The following OR14L1 variants were observed in gnomAD, a reference collection of about 807,000 sequenced individuals.
OR14L1 encodes the protein olfactory receptor family 14 subfamily L member 1.
the OR14L1 span, chr1:247,619,580 C>T: frequency 2.0e-5 from 3 of 152,052 alleles, no homozygotes; most frequent in Non-Finnish European, 2.9e-5. Context: ...TGGGGGTAGC[C>T]ATATTTGATA....
chr1:247,621,777 A>C, the OR14L1 span: 1 of 152,056 alleles, frequency 6.6e-6, no homozygotes, highest in Admixed American at 6.6e-5. Flanking sequence ...CAGATTCCAC[A>C]TATAAGTGAG....
the OR14L1 span, chr1:247,621,271 G>C: frequency 2.0e-5 from 3 of 152,090 alleles, no homozygotes; most frequent in Non-Finnish European, 4.4e-5. Context: ...ATTATTCCCA[G>C]AGTGCTTTTA....
the OR14L1 span, among the ~76,000 whole-genome samples, chr1:247,618,775 T>A: frequency 0.024 from 3,634 of 152,268 alleles, 161 homozygotes; most frequent in African/African-American, 0.083. Flanking sequence ...TTTTCCTATG[T>A]GGCTTTCTTC....
At chr1:247,618,972 C>T in the OR14L1 span, among the ~76,000 whole-genome samples, 1 of 152,162 alleles carries the variant, frequency 6.6e-6, no homozygotes. Flanking sequence ...TATTTTACCT[C>T]CCTACGTTCT....
the OR14L1 span, chr1:247,620,210 A>T: frequency 1.3e-5 from 2 of 152,160 alleles, no homozygotes; most frequent in African/African-American, 4.8e-5. Context: ...TTAGACCCCA[A>T]AGTAATTACC....
the OR14L1 span, chr1:247,622,348 C>G: frequency 6.6e-6 from 1 of 152,056 alleles, no homozygotes. Context: ...AGATGATAAA[C>G]TTAATAAGTG....
the OR14L1 span, chr1:247,619,567 C>T: frequency 6.6e-6 from 1 of 152,150 alleles, no homozygotes; most frequent in African/African-American, 2.4e-5. Flanking sequence ...ATTGAAATAT[C>T]ACTGGGGGTA....
chr1:247,620,841 A>G, the OR14L1 span: 5 of 151,624 alleles, frequency 3.3e-5, no homozygotes, highest in South Asian at 1.0e-3. Flanking sequence ...AAAATTTTAT[A>G]AATTATATTG....
chr1:247,617,886 T>G, the OR14L1 span, among the ~76,000 whole-genome samples: 1 of 152,220 alleles, frequency 6.6e-6, no homozygotes, highest in Non-Finnish European at 1.5e-5. Context: ...TTCCAATGCC[T>G]GTCAATGCAT....
At chr1:247,622,145 C>T in the OR14L1 span, 2 of 152,148 alleles carry the variant, frequency 1.3e-5, no homozygotes, top group Admixed American at 1.3e-4. Context: ...GGTAACTTTG[C>T]ATTGGGCAAG....
chr1:247,619,208 T>C, the OR14L1 span, among the ~76,000 whole-genome samples: 1 of 152,172 alleles, frequency 6.6e-6, no homozygotes, highest in African/African-American at 2.4e-5. Flanking sequence ...AAAAGAACTA[T>C]GACAAACCAC....
the OR14L1 span, chr1:247,620,437 C>G: frequency 6.6e-6 from 1 of 152,056 alleles, no homozygotes; most frequent in Non-Finnish European, 1.5e-5. Context: ...TTCAAATTCT[C>G]CCCCCGTTCT....
At chr1:247,621,367 A>G in the OR14L1 span, 1 of 152,190 alleles carries the variant, frequency 6.6e-6, no homozygotes, top group East Asian at 1.9e-4. Context: ...TATAAATAGC[A>G]TCCTACCTTA....
At chr1:247,619,085 T>C in the OR14L1 span, among the ~76,000 whole-genome samples, 833 of 152,262 alleles carry the variant, frequency 5.5e-3, 12 homozygotes, top group African/African-American at 0.019. Flanking sequence ...TTACCAAATG[T>C]CTCCTGATAC....
At chr1:247,618,417 A>C in the OR14L1 span, among the ~76,000 whole-genome samples, 1 of 152,308 alleles carries the variant, frequency 6.6e-6, no homozygotes, top group Admixed American at 6.5e-5. Context: ...TTTACCCTAC[A>C]TAAATTCCAG....
At chr1:247,620,595 G>C in the OR14L1 span, 1 of 152,150 alleles carries the variant, frequency 6.6e-6, no homozygotes, top group Non-Finnish European at 1.5e-5. Context: ...TGAAGAATTT[G>C]ATTACGGACC....
chr1:247,621,950 C>T, the OR14L1 span: 1 of 151,848 alleles, frequency 6.6e-6, no homozygotes, highest in East Asian at 1.9e-4. Flanking sequence ...TCCATTTGTC[C>T]ATGGTGGACA....
At chr1:247,621,568 C>T in the OR14L1 span, 1 of 152,122 alleles carries the variant, frequency 6.6e-6, no homozygotes, top group African/African-American at 2.4e-5. Flanking sequence ...CCTCTTTTAA[C>T]TGTTTTGAAA....
chr1:247,619,082 A>C, the OR14L1 span, among the ~76,000 whole-genome samples: 17 of 152,300 alleles, frequency 1.1e-4, no homozygotes, highest in African/African-American at 4.1e-4. Context: ...TGTTTACCAA[A>C]TGTCTCCTGA....
Sources: gnomAD v4.1 joint callset for allele counts (sites outside exome capture counted in the v4.1 genomes callset) on GRCh38, gnomAD v4.1.1 for gene constraint, MANE v1.5 for transcripts, NCBI Gene and HGNC (gene_info 2026-07-23, HGNC 2026-07-21) for gene names.